The following ADCY3 variants were observed in gnomAD, a reference collection of about 807,000 sequenced individuals.
The protein encoded by ADCY3 is adenylate cyclase 3, also known as adenylate cyclase type 3.
ADCY3 carries 70 observed loss-of-function variants against 119.4 expected under a neutral mutation model. That is an observed-to-expected ratio of 0.59 (90% CI 0.48 to 0.72). The LOEUF (loss-of-function observed/expected upper bound fraction) is 0.72, where lower values mean the gene tolerates loss of function less well. Ranked by LOEUF, ADCY3 falls within the 30% of genes least tolerant of loss-of-function variation. The pLI, the probability that ADCY3 is intolerant of heterozygous loss-of-function variation, is 0.00. For synonymous variants in ADCY3, 672 were observed against 621.4 expected (o/e 1.08, Z -1.21); for missense variants, 1,238 against 1,541.6 (o/e 0.80, Z 3.30).
At chr2:24,867,555 T>C (rs1261304062) in intron 3 of ADCY3, among the ~76,000 whole-genome samples, 1 of 152,222 alleles carries the variant, frequency 6.6e-6, no homozygotes. Context: ...CTGTTCTTTA[T>C]AAATTACCCA....
At chr2:24,836,768 T>C in intron 9 of ADCY3, 149 bp downstream of exon 9, 1 of 1,196,454 alleles carries the variant, frequency 8.4e-7, no homozygotes, top group Non-Finnish European at 1.1e-6. Flanking sequence ...AGGGGTGACC[T>C]GTCCATGGTT....
Position 24,834,349 on chromosome 2 carries a change from C to A in ADCY3, c.1967+136G>T. The A allele has an allele frequency of 9.2e-7, 1 of 1,089,930 alleles. No homozygotes were observed. The highest frequency in any genetic ancestry group is 1.6e-5 in the South Asian group (1 of 62,248). The allele number at this position is 1,089,930 out of a possible 1,614,324, so 67.5% of individuals were successfully genotyped here. A position where few individuals can be genotyped will look rare whatever the true frequency, so the allele number is the denominator to read the frequency against. ...TAGCACTCCTGGGGCCTGTGGGGGC[C>A]GTCCCAGTGGGGGTCAGGGAGCAGA... On this transcript the variant is annotated intron_variant, in intron 11 of 21. Transcript: ENST00000679454. The surrounding 1 kb of genome is among the most constrained non-coding windows in gnomAD (Gnocchi z 4.2).
At position 24,898,256 on chromosome 2, in the gene ADCY3, C is replaced by A. The variant is rs6756609; in HGVS notation, c.675+20057G>T. Among the ~76,000 whole-genome samples, 79,788 of 151,752 alleles carry A rather than the reference C, an allele frequency of 0.53. 23,313 individuals are homozygous for A. The highest frequency in any genetic ancestry group is 0.8 in the African/African-American group (33,059 of 41,366). ...CTGAGGGGCTTTTCTCTCCACTCTCCCAGTTCGTGCGCCACAGAGGCCCCC... is the reference window on the plus strand; with the variant it reads ...CTGAGGGGCTTTTCTCTCCACTCTCACAGTTCGTGCGCCACAGAGGCCCCC... On this transcript the variant is annotated intron_variant, in intron 2 of 21. Transcript: ENST00000679454. The surrounding 1 kb of genome is among the most constrained non-coding windows in gnomAD (Gnocchi z 4.3).
intron 2 of ADCY3, among the ~76,000 whole-genome samples, chr2:24,880,940 G>A (rs1676324560): frequency 6.6e-6 from 1 of 151,892 alleles, no homozygotes; most frequent in Non-Finnish European, 1.5e-5. Flanking sequence ...GCTTGAACCC[G>A]GGAGGCGGAG....
chr2:24,917,694 C>T (rs974555443), intron 2 of ADCY3, among the ~76,000 whole-genome samples: 2 of 152,154 alleles, frequency 1.3e-5, no homozygotes, highest in Non-Finnish European at 2.9e-5. Context: ...CATCCCCACA[C>T]CACACCTTCA....
intron 2 of ADCY3, among the ~76,000 whole-genome samples, chr2:24,890,300 TTGTC>T (rs1481794620): frequency 1.3e-5 from 2 of 152,208 alleles, no homozygotes; most frequent in Admixed American, 6.5e-5. Flanking sequence ...TGTAACGTCT[TTGTC>T]TGGTTTTGAT....
intron 11 of ADCY3, among the ~76,000 whole-genome samples, chr2:24,833,653 G>A (rs76679901): frequency 7.2e-5 from 11 of 152,320 alleles, no homozygotes; most frequent in African/African-American, 2.6e-4. Flanking sequence ...TCTGTGTGCC[G>A]CATCGCTGCC....
At position 24,841,244 on chromosome 2, in the gene ADCY3, A is replaced by G; in HGVS notation, c.1196+15T>C. ...CTTGCTCTGGGAGCCTCCCTCCCAG[A>G]GGCATCCCACTTACGAGATGGCCTC... On this transcript the variant is annotated intron_variant, in intron 6 of 21. Coordinates refer to ENST00000679454, the MANE Select transcript of ADCY3 (RefSeq NM_004036.5). This position sits in a 1 kb window ranked among gnomAD's most constrained non-coding sequence, Gnocchi z 5.8. 1 of 1,547,452 alleles carries G rather than the reference A, an allele frequency of 6.5e-7. No individual in the cohort carries two copies. The highest frequency in any genetic ancestry group is 8.7e-7 in the Non-Finnish European group (1 of 1,145,164).
At chr2:24,869,614 C>CTTGA (rs1361057183) in intron 3 of ADCY3, among the ~76,000 whole-genome samples, 1 of 152,056 alleles carries the variant, frequency 6.6e-6, no homozygotes, top group Non-Finnish European at 1.5e-5. Flanking sequence ...CTTTGTTGCT[C>CTTGA]AGGCTGGTCT....
At chr2:24,896,396 A>T (rs1214615632) in intron 2 of ADCY3, among the ~76,000 whole-genome samples, 6 of 152,008 alleles carry the variant, frequency 3.9e-5, no homozygotes, top group Non-Finnish European at 8.8e-5. Flanking sequence ...AAAAAAAAAA[A>T]GTTATTTTCA....
At chr2:24,847,323 G>A (rs1671771107) in intron 3 of ADCY3, among the ~76,000 whole-genome samples, 1 of 152,190 alleles carries the variant, frequency 6.6e-6, no homozygotes, top group Admixed American at 6.5e-5. Context: ...CAGCCATGTG[G>A]AACTGTAAGT....
In ADCY3 at chr2:24,857,298, C is replaced by T. The variant is rs75559313; in HGVS notation, c.826-14914G>A. Among the ~76,000 whole-genome samples the T allele has an allele frequency of 4.6e-5, 7 of 152,372 alleles. No homozygotes were observed. In the East Asian group the frequency reaches 1.3e-3, roughly 29 times the overall value. Reference sequence around the variant, plus strand: ...CCAAAGATGGCCACGTGTGTGGTACCTGGAGCCCTCACCACGAATTATTTG... The same window carrying T: ...CCAAAGATGGCCACGTGTGTGGTACTTGGAGCCCTCACCACGAATTATTTG... On this transcript the variant is annotated intron_variant, in intron 3 of 21. Transcript: ENST00000679454.
intron 3 of ADCY3, among the ~76,000 whole-genome samples, chr2:24,850,560 G>C (rs1274733751): frequency 6.6e-6 from 1 of 152,204 alleles, no homozygotes; most frequent in Non-Finnish European, 1.5e-5. Flanking sequence ...AGCAGAGCCT[G>C]CTCTTCCAAA....
In ADCY3 at chr2:24,918,185, G is replaced by A; in HGVS notation, c.675+128C>T. The stretch of plus-strand genomic sequence containing the variant: ...GAAAAGGCAGGGACTAGGGAGAGAG[G>A]TGAGAGCCCCGGAGGCCCCCAGGAC... On this transcript the variant is annotated intron_variant, in intron 2 of 21. Coordinates refer to ENST00000679454, the MANE Select transcript of ADCY3 (RefSeq NM_004036.5). The surrounding 1 kb of genome is among the most constrained non-coding windows in gnomAD (Gnocchi z 5.4). 1 of 1,026,804 alleles carries A rather than the reference G, an allele frequency of 9.7e-7. No homozygotes were observed. The highest frequency in any genetic ancestry group is 1.4e-6 in the Non-Finnish European group (1 of 705,206). The allele number at this position is 1,026,804 out of a possible 1,614,324, so 63.6% of individuals were successfully genotyped here.
chr2:24,909,490 G>C (rs528513533), intron 2 of ADCY3, among the ~76,000 whole-genome samples: 11 of 152,160 alleles, frequency 7.2e-5, no homozygotes, highest in African/African-American at 9.7e-5. Flanking sequence ...TGCTTGAGAA[G>C]GTAAGAGAAT....
At chr2:24,847,951 G>A (rs112845365) in intron 3 of ADCY3, among the ~76,000 whole-genome samples, 2,899 of 152,286 alleles carry the variant, frequency 0.019, 76 homozygotes, top group African/African-American at 0.064. Context: ...TGGAGTGTGC[G>A]GCCCTGGTGT....
At chr2:24,825,353 G>A (rs1214265423) in intron 16 of ADCY3, among the ~76,000 whole-genome samples, 4 of 61,468 alleles carry the variant, frequency 6.5e-5, no homozygotes, top group South Asian at 1.1e-3. Flanking sequence ...GGGGGGTGCG[G>A]GGGGGGTGTC....
chr2:24,824,251 G>T, intron 17 of ADCY3, 127 bp downstream of exon 17: 1 of 1,216,768 alleles, frequency 8.2e-7, no homozygotes, highest in Non-Finnish European at 1.1e-6. Flanking sequence ...TGCTGTTTAG[G>T]TTCAGCCCTA....
chr2:24,901,716 G>A (rs1040007493), intron 2 of ADCY3, among the ~76,000 whole-genome samples: 5 of 151,324 alleles, frequency 3.3e-5, no homozygotes, highest in Non-Finnish European at 5.9e-5. Flanking sequence ...AGGTCAAGGT[G>A]GGAGGATCAC....
Sources: allele counts gnomAD v4.1 joint callset (sites outside exome capture counted in the v4.1 genomes callset), GRCh38; gene constraint gnomAD v4.1.1; non-coding constraint Gnocchi (gnomAD v3.1); transcripts MANE v1.5; gene names NCBI Gene and HGNC (gene_info 2026-07-23, HGNC 2026-07-21).